Variants in HECTD2 observed in about 807,000 individuals in gnomAD.
HECTD2 encodes HECT domain E3 ubiquitin protein ligase 2.
HECTD2 carries 35 observed loss-of-function variants against 103.2 expected under a neutral mutation model. That is an observed-to-expected ratio of 0.34 (90% confidence interval 0.26 to 0.45). The LOEUF (loss-of-function observed/expected upper bound fraction) is 0.45. Ranked by LOEUF, HECTD2 falls within the 20% of genes least tolerant of loss-of-function variation. The pLI, the probability that HECTD2 is intolerant of heterozygous loss-of-function variation, is 1.00. For missense variants in HECTD2, 596 were observed against 937.4 expected (o/e 0.64, Z 4.76); for synonymous variants, 281 against 329.9 (o/e 0.85, Z 1.61).
intron 5 of HECTD2, among the ~76,000 whole-genome samples, chr10:91,475,954 C>T (rs1186623748): frequency 6.6e-6 from 1 of 152,186 alleles, no homozygotes. Context: ...CCCAACTTCA[C>T]TCTCTTTTCT....
At chr10:91,444,167 A>G (rs544710188) in intron 2 of HECTD2, among the ~76,000 whole-genome samples, 1 of 152,178 alleles carries the variant, frequency 6.6e-6, no homozygotes, top group African/African-American at 2.4e-5. Context: ...CTTTTTCCCA[A>G]CCTGGCTATA....
intron 11 of HECTD2, chr10:91,488,342 T>G (rs146873876): frequency 1.3e-5 from 2 of 152,928 alleles, no homozygotes; most frequent in African/African-American, 4.8e-5. Flanking sequence ...TTTAGGCAAA[T>G]TGTAGAGCAG....
At chr10:91,476,330 G>A (rs1249218034) in intron 5 of HECTD2, among the ~76,000 whole-genome samples, 1 of 152,202 alleles carries the variant, frequency 6.6e-6, no homozygotes, top group Admixed American at 6.5e-5. Context: ...GACCTAGAAA[G>A]CTTCCCTGTC....
chr10:91,488,362 A>C (rs544945861), intron 11 of HECTD2: 18 of 152,652 alleles, frequency 1.2e-4, no homozygotes, highest in African/African-American at 4.3e-4. Context: ...GTATGAAGTT[A>C]TCTCTCAGTC....
chr10:91,435,970 C>T (rs1201730497), intron 2 of HECTD2, among the ~76,000 whole-genome samples: 1 of 151,906 alleles, frequency 6.6e-6, no homozygotes, highest in Non-Finnish European at 1.5e-5. Context: ...GAGTATCTTA[C>T]TTCTGCTGTT....
At chr10:91,506,804 G>A (rs1049175023) in intron 20 of HECTD2, among the ~76,000 whole-genome samples, 8 of 151,604 alleles carry the variant, frequency 5.3e-5, no homozygotes, top group Admixed American at 1.3e-4. Flanking sequence ...TACCAAAGCC[G>A]GGCAGAGACA....
intron 2 of HECTD2, among the ~76,000 whole-genome samples, chr10:91,438,176 G>A (rs1844218191): frequency 6.6e-6 from 1 of 151,806 alleles, no homozygotes; most frequent in Non-Finnish European, 1.5e-5. Flanking sequence ...GTGGTTGCCT[G>A]CACCCATCAA....
intron 2 of HECTD2, among the ~76,000 whole-genome samples, chr10:91,426,567 T>TACAC (rs58234316): frequency 0.018 from 2,708 of 150,154 alleles, 79 homozygotes; most frequent in African/African-American, 0.063. Context: ...CATACAAACA[T>TACAC]ACACACACAC....
At chr10:91,502,751 T>G (rs1846954615) in intron 20 of HECTD2, among the ~76,000 whole-genome samples, 1 of 152,150 alleles carries the variant, frequency 6.6e-6, no homozygotes, top group Admixed American at 6.6e-5. Flanking sequence ...TAAAAACATT[T>G]CCAATTTTAA....
intron 2 of HECTD2, among the ~76,000 whole-genome samples, chr10:91,427,393 A>G (rs1303057251): frequency 6.6e-6 from 1 of 152,040 alleles, no homozygotes; most frequent in Non-Finnish European, 1.5e-5. Context: ...GTCAAATGGT[A>G]TTTCTAGTTC....
intron 2 of HECTD2, among the ~76,000 whole-genome samples, chr10:91,428,198 G>A (rs1054023878): frequency 5.3e-5 from 8 of 151,548 alleles, no homozygotes; most frequent in East Asian, 3.9e-4. Context: ...GATATGTGGC[G>A]TTATTTCTGA....
intron 2 of HECTD2, among the ~76,000 whole-genome samples, chr10:91,456,693 G>C (rs1468797336): frequency 6.6e-6 from 1 of 152,068 alleles, no homozygotes; most frequent in Non-Finnish European, 1.5e-5. Context: ...TGCCCATTCA[G>C]TATGATATTG....
At chr10:91,504,293 C>T in intron 20 of HECTD2, among the ~76,000 whole-genome samples, 1 of 152,194 alleles carries the variant, frequency 6.6e-6, no homozygotes, top group Admixed American at 6.5e-5. Flanking sequence ...CTTTGACAAG[C>T]TGAGAGAAGA....
intron 1 of HECTD2, among the ~76,000 whole-genome samples, chr10:91,414,372 G>T (rs907532760): frequency 8.5e-5 from 13 of 152,182 alleles, no homozygotes; most frequent in Admixed American, 8.5e-4. Context: ...AGAATGAGAA[G>T]TTGGCTTATC....
At chr10:91,490,823 G>A (rs556191152) in intron 11 of HECTD2, among the ~76,000 whole-genome samples, 27 of 147,048 alleles carry the variant, frequency 1.8e-4, no homozygotes, top group African/African-American at 5.8e-4. Context: ...CCCAAGAGGC[G>A]GAGCTTGCAG....
At chr10:91,497,163 A>T (rs1322377867) in intron 15 of HECTD2, among the ~76,000 whole-genome samples, 1 of 106,018 alleles carries the variant, frequency 9.4e-6, no homozygotes, top group African/African-American at 3.7e-5. Context: ...TTTAGCAGAG[A>T]CGGGGTTTTG....
chr10:91,417,219 A>G (rs1843162470), intron 1 of HECTD2, among the ~76,000 whole-genome samples: 1 of 152,172 alleles, frequency 6.6e-6, no homozygotes, highest in South Asian at 2.1e-4. Flanking sequence ...CTGGTGAGCT[A>G]TATGAATAAC....
chr10:91,473,393 T>A (rs534789549), intron 5 of HECTD2, among the ~76,000 whole-genome samples: 1 of 152,318 alleles, frequency 6.6e-6, no homozygotes, highest in East Asian at 1.9e-4. Flanking sequence ...GACTTAAAGA[T>A]ATTTAAAATA....
Position 91,472,596 on chromosome 10 carries a change from A to T in HECTD2, c.601-5605A>T, listed in dbSNP as rs1845766431. Among the ~76,000 whole-genome samples the T allele has an allele frequency of 2.6e-5, 4 of 152,214 alleles. No individual in the cohort carries two copies. The South Asian group carries it at 8.3e-4, about 31-fold the overall frequency. ...AATATCCAGAATCTATAAAAAACTG[A>T]AATAATAAGCAAAAGCAAACGACTT... On this transcript the variant is annotated intron_variant, in intron 5 of 20. Coordinates refer to ENST00000298068, the MANE Select transcript of HECTD2 (RefSeq NM_182765.6).
Sources: gnomAD v4.1 joint callset for allele counts (sites outside exome capture counted in the v4.1 genomes callset) on GRCh38, gnomAD v4.1.1 for gene constraint, MANE v1.5 for transcripts, NCBI Gene and HGNC (gene_info 2026-07-23, HGNC 2026-07-21) for gene names.